Variants in GALNT18 observed in about 807,000 individuals in gnomAD.
GALNT18 encodes GalNAc-transferase 18.
In GALNT18, 44 loss-of-function variants were observed where a neutral mutation model predicts 69.5. That is an observed-to-expected ratio of 0.63 (90% CI 0.50 to 0.81). The LOEUF is 0.81. Ranked by LOEUF, GALNT18 falls within the 40% of genes least tolerant of loss-of-function variation. The pLI, the probability that GALNT18 is intolerant of heterozygous loss-of-function variation, is 0.00. For missense variants in GALNT18, 715 were observed against 810.0 expected, an observed-to-expected ratio of 0.88 and a Z score of 1.42; for synonymous variants, 364 against 318.2, an observed-to-expected ratio of 1.14 and a Z score of -1.53.
Position 11,496,273 on chromosome 11 carries a change from T to C in GALNT18, c.236-47337A>G, listed in dbSNP as rs1856864095. Among the ~76,000 whole-genome samples the C allele has an allele frequency of 6.6e-6, 1 of 152,076 alleles. No individual in the cohort carries two copies. Among genetic ancestry groups the C allele is most frequent in the African/African-American group, 2.4e-5 (1 of 41,406 alleles). On this transcript the variant is annotated intron_variant, in intron 1 of 10. Transcript: ENST00000227756. This position sits in a 1 kb window ranked among gnomAD's most constrained non-coding sequence, Gnocchi z 4.0. ...TGATTGCAACCCTCTGCCTGAAAAA[T>C]GACAGGCCCCTCTTCTGTGGTTCAC...
chr11:11,285,240 A>G (rs905968891), intron 10 of GALNT18, among the ~76,000 whole-genome samples: 1 of 152,110 alleles, frequency 6.6e-6, no homozygotes, highest in Admixed American at 6.6e-5. Flanking sequence ...GGTTTAAAGC[A>G]TGGACCCCAG....
At position 11,271,170 on chromosome 11, in the gene GALNT18, T is replaced by G; in HGVS notation, c.1798A>C (p.Asn600His). 6.2e-7 allele frequency: 1 copy of G among 1,613,810 alleles called. No homozygotes were observed. The highest frequency in any genetic ancestry group is 1.1e-5 in the South Asian group (1 of 91,072). ...CAGGACGCGAGGCTCCTCAGGACGTTGGTGATGCTCCAGTGCTGGCCCGAG... is the reference window on the plus strand; with the variant it reads ...CAGGACGCGAGGCTCCTCAGGACGTGGGTGATGCTCCAGTGCTGGCCCGAG... Reference protein sequence around the residue: ...KCSGQHWSITNVLRSLAS With the variant: ...KCSGQHWSITHVLRSLAS Residue 600 changes from asparagine (N) to histidine (H), a missense_variant, in exon 11 of 11, where the codon AAC becomes CAC. By Grantham distance (68) the Asn-to-His change is moderately conservative. Coordinates refer to ENST00000227756, the MANE Select transcript of GALNT18 (RefSeq NM_198516.3).
intron 1 of GALNT18, among the ~76,000 whole-genome samples, chr11:11,485,191 C>A (rs1037874789): frequency 2.0e-5 from 3 of 152,234 alleles, no homozygotes; most frequent in African/African-American, 7.2e-5. Flanking sequence ...CCAGCAGACA[C>A]CACCTGCGTG....
Position 11,586,838 on chromosome 11 carries a change from A to ACG in GALNT18, c.235+34520_235+34521insCG, listed in dbSNP as rs2133919814. 8.6e-6 allele frequency among the ~76,000 whole-genome samples: 1 copy of ACG among 116,732 alleles called. No individual in the cohort carries two copies. Among genetic ancestry groups the ACG allele is most frequent in the Admixed American group, 8.8e-5 (1 of 11,312 alleles). 76.6% of individuals were successfully genotyped at this position (116,732 alleles called of 152,430 possible). On this transcript the variant is annotated intron_variant, in intron 1 of 10. Coordinates refer to ENST00000227756, the MANE Select transcript of GALNT18 (RefSeq NM_198516.3). This position sits in a 1 kb window ranked among gnomAD's most constrained non-coding sequence, Gnocchi z 4.1. ...AAAACACACACACACACACACAAAA[A>ACG]AAAGCCAGGTGTGGTGGCGGGCGTC...
Position 11,407,279 on chromosome 11 carries a change from C to T in GALNT18, c.595+25342G>A, listed in dbSNP as rs150881666. Among the ~76,000 whole-genome samples the T allele has an allele frequency of 1.1e-4, 17 of 152,314 alleles. No homozygotes were observed. In the South Asian group the frequency reaches 1.9e-3, roughly 17 times the overall value. On this transcript the variant is annotated intron_variant, in intron 3 of 10. Transcript: ENST00000227756. ...GCTGACAGTCATCCTTCTTTGCAAT[C>T]GTGTGGCTTTCTGACAGACCAGGCA...
rs1401646421 is a variant in GALNT18 at position 11,621,308 on chromosome 11, C to A, written c.235+51G>T. ...CAGCCCCAGCGCACCCCGCGCCGCG[C>A]GGGGCACTCCCGGGCCTCATGGGCG... On this transcript the variant is annotated intron_variant, in intron 1 of 10. Transcript: ENST00000227756. This position sits in a 1 kb window ranked among gnomAD's most constrained non-coding sequence, Gnocchi z 9.3. 2 of 1,501,506 alleles carry A rather than the reference C, an allele frequency of 1.3e-6. No homozygotes were observed. Among genetic ancestry groups the A allele is most frequent in the Admixed American group, 1.8e-5 (1 of 56,900 alleles). 93.0% of individuals were successfully genotyped at this position (1,501,506 alleles called of 1,614,324 possible).
intron 1 of GALNT18, among the ~76,000 whole-genome samples, chr11:11,521,594 C>G (rs544670308): frequency 6.6e-6 from 1 of 152,212 alleles, no homozygotes; most frequent in Non-Finnish European, 1.5e-5. Context: ...TGAGCTCCAA[C>G]TTCATTCCTG....
chr11:11,279,310 A>G (rs1403623346), intron 10 of GALNT18, among the ~76,000 whole-genome samples: 1 of 152,050 alleles, frequency 6.6e-6, no homozygotes, highest in Admixed American at 6.5e-5. Flanking sequence ...TAACACATCC[A>G]TAATAATTAA....
At chr11:11,532,661 T>C (rs547289391) in intron 1 of GALNT18, among the ~76,000 whole-genome samples, 1 of 152,354 alleles carries the variant, frequency 6.6e-6, no homozygotes, top group South Asian at 2.1e-4. Context: ...TAATGGAATA[T>C]GTCTATGGCT....
chr11:11,301,293 A>C (rs1849489794), intron 9 of GALNT18, among the ~76,000 whole-genome samples: 1 of 152,158 alleles, frequency 6.6e-6, no homozygotes, highest in Non-Finnish European at 1.5e-5. Flanking sequence ...TGACATCCAG[A>C]ATGTGTATTA....
chr11:11,548,872 A>G (rs973976025), intron 1 of GALNT18, among the ~76,000 whole-genome samples: 3 of 152,178 alleles, frequency 2.0e-5, no homozygotes, highest in African/African-American at 7.2e-5. Flanking sequence ...TTCCTGGTGA[A>G]CAATAGATGC....
intron 1 of GALNT18, among the ~76,000 whole-genome samples, chr11:11,482,001 T>G (rs1212978966): frequency 2.6e-5 from 4 of 152,210 alleles, no homozygotes; most frequent in East Asian, 3.9e-4. Flanking sequence ...CATCCCTCTT[T>G]GCTCCCCTCT....
intron 10 of GALNT18, among the ~76,000 whole-genome samples, chr11:11,285,854 CG>C (rs1468846617): frequency 6.6e-6 from 1 of 152,158 alleles, no homozygotes; most frequent in Non-Finnish European, 1.5e-5. Context: ...TTCGTCTTTG[CG>C]TGCGTTACTC....
intron 1 of GALNT18, among the ~76,000 whole-genome samples, chr11:11,510,298 C>T (rs1857141763): frequency 1.3e-5 from 2 of 152,214 alleles, no homozygotes; most frequent in South Asian, 4.1e-4. Flanking sequence ...ACTATTTTAA[C>T]ATCTGCTGTC....
intron 1 of GALNT18, among the ~76,000 whole-genome samples, chr11:11,479,139 A>G (rs1433313790): frequency 6.6e-6 from 1 of 152,184 alleles, no homozygotes; most frequent in Non-Finnish European, 1.5e-5. Context: ...TGGCTTCCCA[A>G]TTCTTCCATT....
At chr11:11,311,047 C>G (rs897433944) in intron 9 of GALNT18, among the ~76,000 whole-genome samples, 1 of 152,114 alleles carries the variant, frequency 6.6e-6, no homozygotes, top group African/African-American at 2.4e-5. Flanking sequence ...CCTCCAGAGG[C>G]CTTTTGGAGG....
At position 11,605,800 on chromosome 11, in the gene GALNT18, C is replaced by T. The variant is rs1440117448; in HGVS notation, c.235+15559G>A. ...TTAGTTTGAAAGTGACCACAAGTGA[C>T]AGCTTTATTAAAATGAAGATGTCGA... is the stretch of plus-strand genomic sequence containing the variant. On this transcript the variant is annotated intron_variant, in intron 1 of 10. Transcript: ENST00000227756. This position sits in a 1 kb window ranked among gnomAD's most constrained non-coding sequence, Gnocchi z 4.7. Among the ~76,000 whole-genome samples the T allele has an allele frequency of 6.6e-6, 1 of 152,166 alleles. No homozygotes were observed. The highest frequency in any genetic ancestry group is 1.5e-5 in the Non-Finnish European group (1 of 68,032).
intron 6 of GALNT18, among the ~76,000 whole-genome samples, chr11:11,344,569 G>A (rs7950650): frequency 0.19 from 28,252 of 152,228 alleles, 4,647 homozygotes; most frequent in African/African-American, 0.44. Context: ...GGCCAGGTGG[G>A]AGTAGCATGT....
chr11:11,343,238 C>A (rs1215225906), intron 6 of GALNT18, among the ~76,000 whole-genome samples: 1 of 152,020 alleles, frequency 6.6e-6, no homozygotes, highest in African/African-American at 2.4e-5. Flanking sequence ...GTCCCAGCAA[C>A]TTGGAGGGTT....
Sources: allele counts gnomAD v4.1 joint callset (sites outside exome capture counted in the v4.1 genomes callset), GRCh38; gene constraint gnomAD v4.1.1; non-coding constraint Gnocchi (gnomAD v3.1); transcripts MANE v1.5; gene names NCBI Gene and HGNC (gene_info 2026-07-23, HGNC 2026-07-21).